The following SORCS1 variants were observed in gnomAD, a reference collection of about 807,000 sequenced individuals.
SORCS1 encodes VPS10 domain-containing receptor SorCS1.
A neutral mutation model predicts 146.1 loss-of-function variants in SORCS1; 60 were observed. That is an observed-to-expected ratio of 0.41 (90% CI 0.33 to 0.51). SORCS1 has a LOEUF of 0.51. Ranked by LOEUF, SORCS1 falls within the 20% of genes least tolerant of loss-of-function variation. The pLI is 0.21. For missense variants in SORCS1, 1,352 were observed against 1,487.6 expected (o/e 0.91, Z 1.50); for synonymous variants, 637 against 584.0 (o/e 1.09, Z -1.31).
intron 1 of SORCS1, among the ~76,000 whole-genome samples, chr10:106,983,980 T>C (rs541823124): frequency 9.8e-5 from 15 of 152,322 alleles, no homozygotes; most frequent in Admixed American, 2.0e-4. Context: ...ATAAGAAAGC[T>C]GGTGAAATAT....
chr10:106,627,200 GA>G (rs1381839686), intron 19 of SORCS1, among the ~76,000 whole-genome samples: 1 of 152,172 alleles, frequency 6.6e-6, no homozygotes, highest in African/African-American at 2.4e-5. Context: ...ACAGGAATGA[GA>G]AAAAAACCTA....
At chr10:106,755,189 C>T (rs1443256342) in intron 5 of SORCS1, among the ~76,000 whole-genome samples, 1 of 152,158 alleles carries the variant, frequency 6.6e-6, no homozygotes, top group South Asian at 2.1e-4. Context: ...GTGTCAAATG[C>T]GGCACCTTAG....
intron 1 of SORCS1, 86 bp from the exon 2 acceptor site, chr10:106,956,666 C>A (rs1954958299): frequency 9.4e-7 from 1 of 1,060,994 alleles, no homozygotes; most frequent in Non-Finnish European, 1.4e-6. Flanking sequence ...GCTTAGGATT[C>A]CTTTAATAGT....
chr10:106,786,137 T>C lies in SORCS1; in HGVS notation c.727-9445A>G, dbSNP rs567179557. Among the ~76,000 whole-genome samples the C allele has an allele frequency of 7.1e-4, 108 of 152,324 alleles. 1 individual carries two copies. The highest frequency in any genetic ancestry group is 2.4e-3 in the African/African-American group (98 of 41,574). ...CTCAGAAGCATTAGAACTGACATAG[T>C]ATACTAAAGAGAAAAGGAGTTCTAT... On this transcript the variant is annotated intron_variant, in intron 3 of 25. Coordinates refer to ENST00000263054, the MANE Select transcript of SORCS1 (RefSeq NM_052918.5).
In SORCS1 at chr10:106,944,827, G is replaced by C. The variant is rs566800997; in HGVS notation, c.626+11686C>G. On this transcript the variant is annotated intron_variant, in intron 2 of 25. Transcript: ENST00000263054. ...CTAGATCATGACACATGTAGTGAAT[G>C]AAAGAAACAAAGAGAGCTATGGTAG... is the stretch of plus-strand genomic sequence containing the variant. Among the ~76,000 whole-genome samples, 14 of 69,068 alleles carry C rather than the reference G, an allele frequency of 2.0e-4. No homozygotes were observed. In the South Asian group the frequency reaches 5.2e-3, roughly 26 times the overall value. The allele number at this position is 69,068 out of a possible 152,430, so 45.3% of individuals were successfully genotyped here.
chr10:106,663,322 T>C (rs941890681), intron 17 of SORCS1, among the ~76,000 whole-genome samples: 3 of 152,108 alleles, frequency 2.0e-5, no homozygotes, highest in African/African-American at 7.2e-5. Context: ...ACCTCCCAAA[T>C]TAATTTGTGT....
chr10:106,890,702 C>T (rs1205900396), intron 2 of SORCS1, among the ~76,000 whole-genome samples: 6 of 152,154 alleles, frequency 3.9e-5, no homozygotes, highest in Non-Finnish European at 8.8e-5. Context: ...CAAATCCACT[C>T]GTGGCTTACG....
chr10:106,938,365 C>T (rs573495827), intron 2 of SORCS1, among the ~76,000 whole-genome samples: 82 of 152,300 alleles, frequency 5.4e-4, no homozygotes, highest in African/African-American at 1.9e-3. Flanking sequence ...AAGATATTTT[C>T]AGTCTGATGA....
chr10:106,933,554 A>G (rs1564825754), intron 2 of SORCS1, among the ~76,000 whole-genome samples: 3 of 152,354 alleles, frequency 2.0e-5, no homozygotes, highest in East Asian at 3.9e-4. Flanking sequence ...CTACAAGGCC[A>G]AGAAGTTGCA....
chr10:107,146,712 G>T (rs1267919596), intron 1 of SORCS1, among the ~76,000 whole-genome samples: 1 of 152,126 alleles, frequency 6.6e-6, no homozygotes, highest in Non-Finnish European at 1.5e-5. Flanking sequence ...ACTGCATGGG[G>T]TCTAAACTGT....
At position 106,801,551 on chromosome 10, in the gene SORCS1, C is replaced by T. The variant is rs375810444; in HGVS notation, c.727-24859G>A. 1.7e-4 allele frequency among the ~76,000 whole-genome samples: 21 copies of T among 123,088 alleles called. 2 individuals carry two copies. The highest frequency in any genetic ancestry group is 5.3e-4 in the African/African-American group (16 of 30,364). 80.8% of individuals were successfully genotyped at this position (123,088 alleles called of 152,430 possible). A position where few individuals can be genotyped will look rare whatever the true frequency, so the allele number is the denominator to read the frequency against. ...TTTTTTTTTTTTTTTTTTTTTGAGA[C>T]GGAGTCTCGCTCTGTCTCCCAGGCT... On this transcript the variant is annotated intron_variant, in intron 3 of 25. Coordinates refer to ENST00000263054, the MANE Select transcript of SORCS1 (RefSeq NM_052918.5).
At chr10:106,824,226 C>A (rs761252252) in intron 3 of SORCS1, among the ~76,000 whole-genome samples, 1 of 150,820 alleles carries the variant, frequency 6.6e-6, no homozygotes. Context: ...ATTGCTTCAA[C>A]TCAGGAGGCG....
chr10:106,692,249 T>C (rs1293548532), intron 9 of SORCS1, among the ~76,000 whole-genome samples: 1 of 152,146 alleles, frequency 6.6e-6, no homozygotes, highest in Non-Finnish European at 1.5e-5. Flanking sequence ...TTGTTTTTGG[T>C]AGAGACAGGG....
At chr10:106,726,136 T>C (rs1016709211) in intron 6 of SORCS1, among the ~76,000 whole-genome samples, 1 of 150,980 alleles carries the variant, frequency 6.6e-6, no homozygotes, top group Non-Finnish European at 1.5e-5. Context: ...GTTGTTGTTG[T>C]TGTTGTTTTA....
chr10:107,035,272 A>C (rs1306044478), intron 1 of SORCS1, among the ~76,000 whole-genome samples: 6 of 143,624 alleles, frequency 4.2e-5, no homozygotes, highest in East Asian at 4.0e-4. Context: ...CAAAAAAAAA[A>C]AAACAACAAA....
At position 106,956,505 on chromosome 10, in the gene SORCS1, C is replaced by T; in HGVS notation, c.626+8G>A. 1 of 1,613,252 alleles carries T rather than the reference C, an allele frequency of 6.2e-7. No individual in the cohort carries two copies. The highest frequency in any genetic ancestry group is 8.5e-7 in the Non-Finnish European group (1 of 1,179,336). On this transcript the variant is annotated splice_region_variant and intron_variant, in intron 2 of 25. Transcript: ENST00000263054. ...CACGGTAATTATTAGCTCCATTTAT[C>T]TACATACCTCCAAAGCGAGCTCTCT...
At chr10:106,772,444 TAATC>T (rs531205148) in intron 4 of SORCS1, among the ~76,000 whole-genome samples, 81 of 151,716 alleles carry the variant, frequency 5.3e-4, no homozygotes, top group Admixed American at 9.2e-4. Context: ...TAAATTCCCA[TAATC>T]AATCAATCAA....
At chr10:107,013,177 G>A (rs10884399) in intron 1 of SORCS1, among the ~76,000 whole-genome samples, 39,402 of 152,024 alleles carry the variant, frequency 0.26, 6,096 homozygotes, top group Admixed American at 0.36. Context: ...GCTTTTGGCA[G>A]GCTCCCTTCA....
At chr10:107,123,203 G>A (rs1424220516) in intron 1 of SORCS1, among the ~76,000 whole-genome samples, 2 of 152,058 alleles carry the variant, frequency 1.3e-5, no homozygotes, top group African/African-American at 2.4e-5. Flanking sequence ...TCTCAATGAT[G>A]TTGCATCTCC....
Sources: gnomAD v4.1 joint callset for allele counts (sites outside exome capture counted in the v4.1 genomes callset) on GRCh38, gnomAD v4.1.1 for gene constraint, MANE v1.5 for transcripts, NCBI Gene and HGNC (gene_info 2026-07-23, HGNC 2026-07-21) for gene names.